The following PIWIL2 variants were observed in gnomAD, a reference collection of about 807,000 sequenced individuals.
The protein encoded by PIWIL2 is piwi like RNA-mediated gene silencing 2.
PIWIL2 carries 81 observed loss-of-function variants against 116.5 expected under a neutral mutation model. The observed-to-expected ratio is 0.70, with a 90% CI of 0.58 to 0.84. PIWIL2 has a LOEUF of 0.84. Among genes scored for constraint, PIWIL2 ranks in the 40% least tolerant of loss-of-function variants. The probability of loss-of-function intolerance (pLI) is 0.00; values close to 1 mark genes in which losing one functional copy is unlikely to be tolerated. For missense variants in PIWIL2, 1,272 were observed against 1,212.3 expected (o/e 1.05, Z -0.73); for synonymous variants, 489 against 429.5 (o/e 1.14, Z -1.71).
At position 22,346,700 on chromosome 8, in the gene PIWIL2, T is replaced by C. The variant is rs548445247; in HGVS notation, c.2404-6259T>C. Among the ~76,000 whole-genome samples, 12 of 152,342 alleles carry C rather than the reference T, an allele frequency of 7.9e-5. No individual in the cohort carries two copies. In the South Asian group the frequency reaches 1.2e-3, roughly 16 times the overall value. ...TTTTATTTATATGGATACATATCTG[T>C]CAATAATTAGCATATTAGAAGGTAA... On this transcript the variant is annotated intron_variant, in intron 20 of 22. Transcript: ENST00000356766.
chr8:22,318,955 T>A lies in PIWIL2; in HGVS notation c.2403+680T>A, dbSNP rs145022174. Among the ~76,000 whole-genome samples the A allele has an allele frequency of 4.4e-3, 663 of 152,342 alleles. 6 individuals carry two copies. The highest frequency in any genetic ancestry group is 0.015 in the African/African-American group (640 of 41,574). ...ATAACTTATTAGGCGCTGGCTCTTT[T>A]CATTTTGGTTCAAGACAAATGCCTC... On this transcript the variant is annotated intron_variant, in intron 20 of 22. Transcript: ENST00000356766.
rs1195223832 is a variant in PIWIL2, at chr8:22,334,575, CT to C, written c.2403+16303del. Among the ~76,000 whole-genome samples, 18 of 151,010 alleles carry C rather than the reference CT, an allele frequency of 1.2e-4. No homozygotes were observed. The East Asian group carries it at 2.6e-3, about 22-fold the overall frequency. ...TTTGGTAATTTTGATAGGTACATGA[CT>C]TTGTCAATACTAATGTATTTTTAGT... On this transcript the variant is annotated intron_variant, in intron 20 of 22. Transcript: ENST00000356766.
At chr8:22,317,013 T>C (rs4409398) in intron 19 of PIWIL2, among the ~76,000 whole-genome samples, 140,716 of 152,122 alleles carry the variant, frequency 0.93, 65,227 homozygotes, top group African/African-American at 0.98. Context: ...CTCCTGGGCT[T>C]AAGTGATCCA....
chr8:22,280,968 A>G (rs145241444), intron 2 of PIWIL2, 152 bp from the exon 3 acceptor site: 43 of 551,868 alleles, frequency 7.8e-5, no homozygotes, highest in African/African-American at 7.6e-4. Context: ...ACATAGTTAC[A>G]GGTATTTTTT....
At chr8:22,328,935 T>C (rs1055396362) in intron 20 of PIWIL2, among the ~76,000 whole-genome samples, 5 of 151,884 alleles carry the variant, frequency 3.3e-5, no homozygotes, top group African/African-American at 1.2e-4. Flanking sequence ...TTCCTTTTCT[T>C]TCTTAATTTG....
In PIWIL2 at chr8:22,282,488, G is replaced by A. The variant is rs574881994; in HGVS notation, c.426-546G>A. On this transcript the variant is annotated intron_variant, in intron 4 of 22. Coordinates refer to ENST00000356766, the MANE Select transcript of PIWIL2 (RefSeq NM_018068.5). ...TAGGCGTGAGCCCCTGCACGCAGCC[G>A]TGGTGATTCTTTAATAACGTTGAGT... Among the ~76,000 whole-genome samples, 21 of 151,826 alleles carry A rather than the reference G, an allele frequency of 1.4e-4. No homozygotes were observed. The South Asian group carries it at 3.7e-3, about 27-fold the overall frequency.
chr8:22,303,318 CAT>C, intron 10 of PIWIL2, among the ~76,000 whole-genome samples: 1 of 152,186 alleles, frequency 6.6e-6, no homozygotes. Context: ...CAGTTTTGTA[CAT>C]GAGACTCTAT....
At chr8:22,294,557 C>T (rs560809029) in intron 10 of PIWIL2, among the ~76,000 whole-genome samples, 95 of 141,312 alleles carry the variant, frequency 6.7e-4, no homozygotes, top group Non-Finnish European at 9.9e-4. Flanking sequence ...AGGAGATTGG[C>T]GTGAACCCAG....
At chr8:22,284,331 C>A in intron 6 of PIWIL2, 59 bp downstream of exon 6, 1 of 843,166 alleles carries the variant, frequency 1.2e-6, no homozygotes, top group Non-Finnish European at 1.9e-6. Context: ...AAAAATAGTT[C>A]CCCTGGAATA....
intron 20 of PIWIL2, among the ~76,000 whole-genome samples, chr8:22,352,038 G>A (rs371682474): frequency 1.6e-3 from 239 of 152,274 alleles, no homozygotes; most frequent in African/African-American, 5.4e-3. Flanking sequence ...TCCACCCCAT[G>A]AGTTCAAGTG....
At chr8:22,307,807 G>A in intron 13 of PIWIL2, 126 bp from the exon 14 acceptor site, 1 of 667,180 alleles carries the variant, frequency 1.5e-6, no homozygotes. Flanking sequence ...ATAAGTCCTT[G>A]AAGATGTTTG....
At chr8:22,296,060 T>G (rs1184679091) in intron 10 of PIWIL2, among the ~76,000 whole-genome samples, 1 of 106,174 alleles carries the variant, frequency 9.4e-6, no homozygotes, top group East Asian at 2.9e-4. Flanking sequence ...TTTTTTTTTG[T>G]TGTTGTTGTT....
At chr8:22,345,299 A>G (rs930909742) in intron 20 of PIWIL2, among the ~76,000 whole-genome samples, 10 of 134,470 alleles carry the variant, frequency 7.4e-5, no homozygotes, top group Non-Finnish European at 1.3e-4. Context: ...AATTGAAAAC[A>G]CAAGTCCACA....
chr8:22,350,473 G>A (rs1296831112), intron 20 of PIWIL2, among the ~76,000 whole-genome samples: 1 of 152,068 alleles, frequency 6.6e-6, no homozygotes, highest in Non-Finnish European at 1.5e-5. Flanking sequence ...ACACAAACTT[G>A]TAGTCCCAGC....
chr8:22,295,375 C>A (rs1241828400), intron 10 of PIWIL2, among the ~76,000 whole-genome samples: 2 of 151,846 alleles, frequency 1.3e-5, no homozygotes, highest in Non-Finnish European at 2.9e-5. Flanking sequence ...TATGTACTTA[C>A]CACTAATTTA....
chr8:22,311,314 T>C lies in PIWIL2; in HGVS notation c.1989+14T>C, dbSNP rs1214967796. ...TTAGGAGCTGAGGTAAAAATGTAATTCAAATAAATTTATAGGATGTCCATT... is the reference window on the plus strand; with the variant it reads ...TTAGGAGCTGAGGTAAAAATGTAATCCAAATAAATTTATAGGATGTCCATT... On this transcript the variant is annotated intron_variant, in intron 16 of 22. Transcript: ENST00000356766. 1 of 1,579,684 alleles carries C rather than the reference T, an allele frequency of 6.3e-7. No individual in the cohort carries two copies. Among genetic ancestry groups the C allele is most frequent in the South Asian group, 1.1e-5 (1 of 87,356 alleles).
At chr8:22,293,203 G>C (rs1187752451) in intron 10 of PIWIL2, among the ~76,000 whole-genome samples, 1 of 152,140 alleles carries the variant, frequency 6.6e-6, no homozygotes, top group Non-Finnish European at 1.5e-5. Context: ...CAGCGCTTTG[G>C]GAGGCCAAGG....
At chr8:22,322,518 C>G (rs7844329) in intron 20 of PIWIL2, among the ~76,000 whole-genome samples, 63 of 152,278 alleles carry the variant, frequency 4.1e-4, no homozygotes, top group African/African-American at 1.5e-3. Flanking sequence ...TCCGCCTACT[C>G]AGCGTCCCAG....
At chr8:22,304,980 T>C (rs1831140781) in intron 12 of PIWIL2, 112 bp downstream of exon 12, 1 of 722,294 alleles carries the variant, frequency 1.4e-6, no homozygotes, top group Admixed American at 2.1e-5. Flanking sequence ...CGTAGTGTAG[T>C]TGCGGAAAGC....
Sources: allele counts gnomAD v4.1 joint callset (sites outside exome capture counted in the v4.1 genomes callset), GRCh38; gene constraint gnomAD v4.1.1; transcripts MANE v1.5; gene names NCBI Gene and HGNC (gene_info 2026-07-23, HGNC 2026-07-21).